Variants in NAV2 observed in about 807,000 individuals in gnomAD.
The protein encoded by NAV2 is helicase, APC down-regulated 1.
A neutral mutation model predicts 223.2 loss-of-function variants in NAV2; 54 were observed. The observed-to-expected ratio is 0.24, with a 90% confidence interval of 0.19 to 0.30. The LOEUF (loss-of-function observed/expected upper bound fraction) is 0.30. Ranked by LOEUF, NAV2 falls within the 10% of genes least tolerant of loss-of-function variation. The probability of loss-of-function intolerance (pLI) is 1.00; values close to 1 mark genes in which losing one functional copy is unlikely to be tolerated. For missense variants in NAV2, 2,806 were observed against 3,147.5 expected, an observed-to-expected ratio of 0.89 and a Z score of 2.60; for synonymous variants, 1,279 against 1,239.3, an observed-to-expected ratio of 1.03 and a Z score of -0.67.
chr11:19,923,075 G>A (rs1020419523), intron 6 of NAV2, among the ~76,000 whole-genome samples: 2 of 152,202 alleles, frequency 1.3e-5, no homozygotes, highest in Non-Finnish European at 2.9e-5. Flanking sequence ...ATGCATGAAA[G>A]AATCCCACAT....
At chr11:19,587,441 G>A (rs972143043) in intron 1 of NAV2, among the ~76,000 whole-genome samples, 1 of 152,156 alleles carries the variant, frequency 6.6e-6, no homozygotes, top group African/African-American at 2.4e-5. Flanking sequence ...AGTTGGAAAC[G>A]CAGAAATCAC....
intron 1 of NAV2, among the ~76,000 whole-genome samples, chr11:19,703,681 T>C (rs1160602020): frequency 6.6e-6 from 1 of 152,250 alleles, no homozygotes; most frequent in Non-Finnish European, 1.5e-5. Context: ...CCAGATTGGC[T>C]GTTAACATAG....
At chr11:19,701,303 G>A (rs1194212892) in intron 1 of NAV2, among the ~76,000 whole-genome samples, 3 of 152,180 alleles carry the variant, frequency 2.0e-5, no homozygotes, top group Admixed American at 6.5e-5. Context: ...AAATGGCCAC[G>A]GTCATGGGAG....
At chr11:19,539,327 A>AAGAAGGTTTCAC (rs1476403839) in intron 1 of NAV2, among the ~76,000 whole-genome samples, 2 of 152,246 alleles carry the variant, frequency 1.3e-5, no homozygotes, top group African/African-American at 2.4e-5. Flanking sequence ...AGATCTGTCC[A>AAGAAGGTTTCAC]AGAAGGTTTC....
Position 20,114,802 on chromosome 11 carries a change from C to T in NAV2, c.7164+7C>T. 1 of 1,611,376 alleles carries T rather than the reference C, an allele frequency of 6.2e-7. No individual in the cohort carries two copies. The highest frequency in any genetic ancestry group is 8.5e-7 in the Non-Finnish European group (1 of 1,178,846). The stretch of plus-strand genomic sequence containing the variant: ...TGCTGAAGGTGACCCGCTGGTGAGT[C>T]CTCAGCCACCAGAGCAGCTCAGCAT... On this transcript the variant is annotated splice_region_variant and intron_variant, in intron 37 of 37. Coordinates refer to ENST00000349880, the MANE Select transcript of NAV2 (RefSeq NM_145117.5).
At chr11:19,973,906 C>G (rs1001870786) in intron 10 of NAV2, among the ~76,000 whole-genome samples, 1 of 152,162 alleles carries the variant, frequency 6.6e-6, no homozygotes, top group Non-Finnish European at 1.5e-5. Context: ...TTCCAACAGT[C>G]GGACTGTCCT....
chr11:19,817,528 G>A (rs1444048465), intron 1 of NAV2, among the ~76,000 whole-genome samples: 2 of 152,166 alleles, frequency 1.3e-5, no homozygotes, highest in Non-Finnish European at 2.9e-5. Context: ...GCCTCAGTGG[G>A]TGATGAGGTC....
chr11:19,610,477 TG>T (rs769900551), intron 1 of NAV2, among the ~76,000 whole-genome samples: 13 of 152,228 alleles, frequency 8.5e-5, no homozygotes, highest in Non-Finnish European at 1.8e-4. Flanking sequence ...GAATTCCCTT[TG>T]AAGTCTCAGA....
intron 1 of NAV2, among the ~76,000 whole-genome samples, chr11:19,738,307 G>A (rs774733916): frequency 3.0e-4 from 46 of 152,356 alleles, no homozygotes; most frequent in Non-Finnish European, 4.7e-4. Flanking sequence ...CAGGGCAGGG[G>A]CCTCTAGACA....
intron 11 of NAV2, among the ~76,000 whole-genome samples, chr11:20,019,506 T>G (rs916923523): frequency 2.0e-5 from 3 of 152,130 alleles, no homozygotes; most frequent in African/African-American, 7.2e-5. Flanking sequence ...ACTTTAGAGT[T>G]GTCTGCCTTC....
At chr11:19,357,832 C>T (rs1352392736) in intron 1 of NAV2, among the ~76,000 whole-genome samples, 1 of 152,178 alleles carries the variant, frequency 6.6e-6, no homozygotes, top group Non-Finnish European at 1.5e-5. Flanking sequence ...TTACAATATA[C>T]AGGACCCTGG....
rs145064225 is a variant in NAV2 at position 19,458,929 on chromosome 11, G to A, written c.75+107902G>A. Among the ~76,000 whole-genome samples the A allele has an allele frequency of 8.6e-3, 1,312 of 152,362 alleles. 22 individuals carry two copies. Among genetic ancestry groups the A allele is most frequent in the African/African-American group, 0.03 (1,247 of 41,582 alleles). On this transcript the variant is annotated intron_variant, in intron 1 of 37. Transcript: ENST00000360655. ...TACCTGTGAGACTGTGCAGGCCACT[G>A]TTGCAGAGACAGCATGAGCCACAGC...
intron 1 of NAV2, among the ~76,000 whole-genome samples, chr11:19,728,709 A>C (rs2051466879): frequency 6.6e-6 from 1 of 152,148 alleles, no homozygotes; most frequent in Admixed American, 6.5e-5. Context: ...ATGTGAGTAC[A>C]CCGTAAATGT....
chr11:19,839,876 G>A (rs906979841), intron 2 of NAV2, among the ~76,000 whole-genome samples: 7 of 152,196 alleles, frequency 4.6e-5, no homozygotes, highest in Non-Finnish European at 1.0e-4. Context: ...ACTTAAGGAT[G>A]CCAGTTTTAA....
chr11:19,513,034 CA>C (rs781672276), intron 1 of NAV2, among the ~76,000 whole-genome samples: 1 of 152,052 alleles, frequency 6.6e-6, no homozygotes, highest in Admixed American at 6.5e-5. Context: ...CAGGCTGGGG[CA>C]GGGGCGGTGT....
intron 1 of NAV2, among the ~76,000 whole-genome samples, chr11:19,745,556 T>A (rs1051872281): frequency 1.3e-5 from 2 of 151,854 alleles, no homozygotes; most frequent in Non-Finnish European, 1.5e-5. Context: ...CAATCTTTCT[T>A]GGGGGTAGCC....
chr11:19,546,539 A>G (rs930336143), intron 1 of NAV2, among the ~76,000 whole-genome samples: 8 of 152,202 alleles, frequency 5.3e-5, no homozygotes, highest in African/African-American at 1.7e-4. Flanking sequence ...GGCTTCATGA[A>G]GAATGGAGGG....
At chr11:19,880,355 G>T (rs1027679929) in intron 5 of NAV2, among the ~76,000 whole-genome samples, 1 of 152,182 alleles carries the variant, frequency 6.6e-6, no homozygotes, top group African/African-American at 2.4e-5. Flanking sequence ...AGCAGCCAAA[G>T]CTAATTACCT....
At chr11:19,904,316 G>T (rs1218350754) in intron 6 of NAV2, among the ~76,000 whole-genome samples, 1 of 152,088 alleles carries the variant, frequency 6.6e-6, no homozygotes, top group Non-Finnish European at 1.5e-5. Flanking sequence ...TGAAAAAGCA[G>T]ATTATTTCTG....
Sources: allele counts gnomAD v4.1 joint callset (sites outside exome capture counted in the v4.1 genomes callset), GRCh38; gene constraint gnomAD v4.1.1; transcripts MANE v1.5; gene names NCBI Gene and HGNC (gene_info 2026-07-23, HGNC 2026-07-21).